LUZP2: variants seen among roughly 807,000 people sequenced by gnomAD.
The protein encoded by LUZP2 is leucine zipper protein 2.
A neutral mutation model predicts 51.6 loss-of-function variants in LUZP2; 52 were observed. The ratio of observed to expected loss-of-function variants is 1.01; its 90% confidence interval spans 0.81 to 1.27. LUZP2 has a LOEUF of 1.27. LUZP2 is among the 50% of genes most tolerant of loss of function. LUZP2 has a pLI of 0.00. For missense variants in LUZP2, 436 were observed against 395.4 expected (o/e 1.10, Z -0.87); for synonymous variants, 154 against 137.3 (o/e 1.12, Z -0.85).
At chr11:24,509,114 G>A (rs748747016) in intron 1 of LUZP2, among the ~76,000 whole-genome samples, 5 of 152,138 alleles carry the variant, frequency 3.3e-5, no homozygotes, top group Non-Finnish European at 5.9e-5. Flanking sequence ...TGCACAGTAG[G>A]TTCTTGCCCG....
chr11:24,856,872 T>C (rs760295493), intron 5 of LUZP2, among the ~76,000 whole-genome samples: 1 of 152,044 alleles, frequency 6.6e-6, no homozygotes, highest in Non-Finnish European at 1.5e-5. Flanking sequence ...TTCTCACTTA[T>C]AAGTGGGAGC....
At chr11:24,678,494 C>T (rs1040337374) in intron 1 of LUZP2, among the ~76,000 whole-genome samples, 1 of 151,788 alleles carries the variant, frequency 6.6e-6, no homozygotes, top group Non-Finnish European at 1.5e-5. Flanking sequence ...TTTAATTTGA[C>T]ACTCTGAATT....
At chr11:24,637,574 A>G (rs1448297541) in intron 1 of LUZP2, among the ~76,000 whole-genome samples, 1 of 151,794 alleles carries the variant, frequency 6.6e-6, no homozygotes, top group Non-Finnish European at 1.5e-5. Context: ...CCCTTCAAGG[A>G]ATAACCCTGG....
intron 9 of LUZP2, among the ~76,000 whole-genome samples, chr11:25,026,016 G>A (rs2404021): frequency 6.6e-6 from 1 of 151,622 alleles, no homozygotes; most frequent in Non-Finnish European, 1.5e-5. Context: ...GCTGGAAGCC[G>A]TCATTCTGAC....
chr11:24,983,378 G>T, intron 9 of LUZP2, 85 bp downstream of exon 9: 2 of 1,311,456 alleles, frequency 1.5e-6, no homozygotes, highest in South Asian at 1.4e-5. Context: ...CACCAGAGTG[G>T]ATTCAAGTAT....
chr11:24,538,529 T>G (rs1397845360), intron 1 of LUZP2, among the ~76,000 whole-genome samples: 1 of 151,728 alleles, frequency 6.6e-6, no homozygotes, highest in African/African-American at 2.4e-5. Context: ...ATGTTACTTT[T>G]TGGTATGTAT....
intron 4 of LUZP2, among the ~76,000 whole-genome samples, chr11:24,743,730 A>C (rs1294493319): frequency 4.6e-5 from 7 of 152,024 alleles, no homozygotes; most frequent in Admixed American, 4.6e-4. Context: ...CACTATGTTG[A>C]AGAGGAGTGG....
At chr11:25,031,761 C>T (rs544625646) in intron 9 of LUZP2, among the ~76,000 whole-genome samples, 3 of 152,050 alleles carry the variant, frequency 2.0e-5, no homozygotes, top group East Asian at 1.9e-4. Context: ...AGCTACATTC[C>T]TAACATTTAA....
intron 1 of LUZP2, among the ~76,000 whole-genome samples, chr11:24,552,944 G>A (rs1851762592): frequency 1.3e-5 from 2 of 149,990 alleles, no homozygotes; most frequent in African/African-American, 2.4e-5. Context: ...TGAAAATGAA[G>A]GAAAATATTT....
intron 5 of LUZP2, among the ~76,000 whole-genome samples, chr11:24,815,087 G>C (rs1226527533): frequency 6.6e-6 from 1 of 152,004 alleles, no homozygotes; most frequent in Admixed American, 6.5e-5. Flanking sequence ...GATTTGCTAG[G>C]TTGAGAATGG....
At chr11:24,632,638 T>A (rs1198761043) in intron 1 of LUZP2, among the ~76,000 whole-genome samples, 1 of 151,946 alleles carries the variant, frequency 6.6e-6, no homozygotes, top group African/African-American at 2.4e-5. Context: ...CCTAACAGCA[T>A]CCCCAACAAA....
chr11:24,724,413 T>C (rs1004894730), intron 1 of LUZP2, among the ~76,000 whole-genome samples: 23 of 151,830 alleles, frequency 1.5e-4, no homozygotes, highest in East Asian at 7.8e-4. Context: ...CTACTAAGAA[T>C]AGAAAAAAAT....
chr11:24,691,033 T>C (rs1857048126), intron 1 of LUZP2, among the ~76,000 whole-genome samples: 1 of 152,058 alleles, frequency 6.6e-6, no homozygotes, highest in African/African-American at 2.4e-5. Context: ...TATAAACATA[T>C]AGATTCTCTT....
intron 1 of LUZP2, among the ~76,000 whole-genome samples, chr11:24,549,939 G>A (rs536083477): frequency 6.6e-6 from 1 of 151,938 alleles, no homozygotes; most frequent in Non-Finnish European, 1.5e-5. Flanking sequence ...AATAAGACAC[G>A]ACCATCATGT....
intron 5 of LUZP2, among the ~76,000 whole-genome samples, chr11:24,834,473 T>C (rs1168066905): frequency 6.6e-6 from 1 of 152,234 alleles, no homozygotes; most frequent in African/African-American, 2.4e-5. Flanking sequence ...ATGTGCCACA[T>C]TTTCTTTATC....
intron 10 of LUZP2, 75 bp downstream of exon 10, chr11:25,050,205 C>A (rs1858451121): frequency 1.6e-6 from 1 of 636,548 alleles, no homozygotes. Flanking sequence ...AATTCTAATT[C>A]ATGCCACCAT....
chr11:24,712,189 G>A (rs1161741669), intron 1 of LUZP2, among the ~76,000 whole-genome samples: 2 of 152,140 alleles, frequency 1.3e-5, no homozygotes, highest in Non-Finnish European at 2.9e-5. Context: ...GGGAGATTGA[G>A]GCAGGGAGAT....
chr11:24,780,781 A>T (rs978820211), intron 5 of LUZP2, among the ~76,000 whole-genome samples: 2 of 152,140 alleles, frequency 1.3e-5, no homozygotes, highest in African/African-American at 4.8e-5. Flanking sequence ...ATCAGTCATT[A>T]TCTGTGATTC....
At chr11:24,894,835 G>T (rs536645146) in intron 5 of LUZP2, among the ~76,000 whole-genome samples, 1 of 152,082 alleles carries the variant, frequency 6.6e-6, no homozygotes, top group Admixed American at 6.5e-5. Flanking sequence ...AATTGAGAAC[G>T]GGATGCCTAT....
Sources: gnomAD v4.1 joint callset for allele counts (sites outside exome capture counted in the v4.1 genomes callset) on GRCh38, gnomAD v4.1.1 for gene constraint, MANE v1.5 for transcripts, NCBI Gene and HGNC (gene_info 2026-07-23, HGNC 2026-07-21) for gene names.